The following PTPRD variants were observed in gnomAD, a reference collection of about 807,000 sequenced individuals.
PTPRD encodes receptor-type tyrosine-protein phosphatase delta.
In PTPRD, 34 loss-of-function variants were observed where a neutral mutation model predicts 214.5. That is an observed-to-expected ratio of 0.16 (90% CI 0.12 to 0.21). The LOEUF (loss-of-function observed/expected upper bound fraction) is 0.21, where lower values mean the gene tolerates loss of function less well. Among genes scored for constraint, PTPRD ranks in the 10% least tolerant of loss-of-function variants. The pLI, the probability that PTPRD is intolerant of heterozygous loss-of-function variation, is 1.00. For synonymous variants in PTPRD, 1,128 were observed against 845.7 expected (o/e 1.33, Z -5.79); for missense variants, 2,545 against 2,398.7 (o/e 1.06, Z -1.27).
At chr9:9,213,805 A>G (rs1461151948) in intron 9 of PTPRD, among the ~76,000 whole-genome samples, 4 of 152,256 alleles carry the variant, frequency 2.6e-5, no homozygotes, top group African/African-American at 9.6e-5. Context: ...TTTGATCAAA[A>G]TATTTATCTA....
At chr9:8,581,931 A>G (rs1594474302) in intron 14 of PTPRD, among the ~76,000 whole-genome samples, 1 of 148,068 alleles carries the variant, frequency 6.8e-6, no homozygotes, top group Non-Finnish European at 1.5e-5. Context: ...AAAAAAAAAA[A>G]AAAAAAAAAA....
intron 8 of PTPRD, among the ~76,000 whole-genome samples, chr9:9,470,971 G>A (rs556237776): frequency 1.3e-5 from 2 of 152,254 alleles, no homozygotes; most frequent in African/African-American, 4.8e-5. Context: ...CCTCACAAAT[G>A]TTTTATAGAC....
intron 2 of PTPRD, among the ~76,000 whole-genome samples, chr9:10,527,928 G>C (rs2054827666): frequency 6.6e-6 from 1 of 152,010 alleles, no homozygotes; most frequent in Admixed American, 6.6e-5. Context: ...TAGTTTTCTT[G>C]TTTTTATATA....
At chr9:8,346,087 A>C (rs1302618756) in intron 39 of PTPRD, among the ~76,000 whole-genome samples, 2 of 152,166 alleles carry the variant, frequency 1.3e-5, no homozygotes, top group East Asian at 3.9e-4. Flanking sequence ...TCTCCTTTCA[A>C]ATCTGCTCCT....
intron 11 of PTPRD, among the ~76,000 whole-genome samples, chr9:9,016,982 C>T (rs1295315488): frequency 6.6e-6 from 1 of 151,730 alleles, no homozygotes; most frequent in African/African-American, 2.4e-5. Flanking sequence ...CTCTTTTGCC[C>T]CCACAGAGCT....
chr9:10,088,782 A>T (rs1300121586), intron 3 of PTPRD, among the ~76,000 whole-genome samples: 2 of 151,768 alleles, frequency 1.3e-5, no homozygotes, highest in East Asian at 3.9e-4. Flanking sequence ...GCTGGCCAGC[A>T]TAATAGCTAA....
chr9:9,628,859 A>G (rs529916074), intron 7 of PTPRD, among the ~76,000 whole-genome samples: 2 of 152,022 alleles, frequency 1.3e-5, no homozygotes, highest in East Asian at 3.9e-4. Context: ...ATATTTATAT[A>G]TAATGATTTT....
intron 5 of PTPRD, among the ~76,000 whole-genome samples, chr9:9,879,832 C>T (rs1162890639): frequency 2.0e-5 from 3 of 152,148 alleles, no homozygotes; most frequent in Non-Finnish European, 4.4e-5. Context: ...GCTTGAATTT[C>T]CAGTTCGTCT....
chr9:9,273,867 C>T (rs1452933176), intron 9 of PTPRD, among the ~76,000 whole-genome samples: 3 of 151,246 alleles, frequency 2.0e-5, no homozygotes, highest in African/African-American at 7.3e-5. Flanking sequence ...TTATTCCTTA[C>T]AAGAACATTC....
chr9:9,724,402 T>C (rs1295478929), intron 7 of PTPRD, among the ~76,000 whole-genome samples: 1 of 152,194 alleles, frequency 6.6e-6, no homozygotes, highest in African/African-American at 2.4e-5. Context: ...GTGTGCTTAA[T>C]AGGCCTTTGC....
intron 2 of PTPRD, among the ~76,000 whole-genome samples, chr9:10,465,608 G>T (rs902261552): frequency 6.6e-6 from 1 of 152,114 alleles, no homozygotes; most frequent in African/African-American, 2.4e-5. Flanking sequence ...ATACTGAAAA[G>T]CATCACCTTT....
chr9:9,591,911 C>G (rs192140903), intron 7 of PTPRD, among the ~76,000 whole-genome samples: 1 of 152,010 alleles, frequency 6.6e-6, no homozygotes, highest in Non-Finnish European at 1.5e-5. Flanking sequence ...AGAACTTATT[C>G]CTGCTATCTA....
At chr9:9,095,132 A>G (rs537996356) in intron 10 of PTPRD, among the ~76,000 whole-genome samples, 1 of 152,304 alleles carries the variant, frequency 6.6e-6, no homozygotes, top group Non-Finnish European at 1.5e-5. Context: ...ATATTAAAAA[A>G]ACCCTATAGC....
At chr9:9,600,980 C>T (rs2093702368) in intron 7 of PTPRD, among the ~76,000 whole-genome samples, 1 of 151,756 alleles carries the variant, frequency 6.6e-6, no homozygotes, top group Non-Finnish European at 1.5e-5. Context: ...GTAATGAGAC[C>T]TGGATATTTT....
intron 5 of PTPRD, among the ~76,000 whole-genome samples, chr9:9,785,524 A>C (rs1029213480): frequency 1.3e-5 from 2 of 152,084 alleles, no homozygotes; most frequent in African/African-American, 4.8e-5. Flanking sequence ...ACATAAACCA[A>C]AGTGAGAGGC....
chr9:10,601,206 G>A (rs1026606539), intron 2 of PTPRD, among the ~76,000 whole-genome samples: 1 of 151,620 alleles, frequency 6.6e-6, no homozygotes, highest in African/African-American at 2.4e-5. Flanking sequence ...AATAGAGTAA[G>A]TAAGGTAGAG....
At chr9:8,554,483 G>A (rs898989573) in intron 14 of PTPRD, among the ~76,000 whole-genome samples, 2 of 152,134 alleles carry the variant, frequency 1.3e-5, no homozygotes, top group Middle Eastern at 6.3e-3. Context: ...AACTTGGAGT[G>A]TAGCATGTGC....
chr9:8,744,442 T>G (rs767651128), intron 11 of PTPRD, among the ~76,000 whole-genome samples: 1 of 152,184 alleles, frequency 6.6e-6, no homozygotes, highest in African/African-American at 2.4e-5. Flanking sequence ...TGCAGTATAC[T>G]TATACCACGG....
At chr9:9,119,625 G>C (rs7032828) in intron 10 of PTPRD, among the ~76,000 whole-genome samples, 2,538 of 151,816 alleles carry the variant, frequency 0.017, 87 homozygotes, top group African/African-American at 0.059. Context: ...CCAGGTTCAA[G>C]CGATTCTCCT....
Sources: allele counts gnomAD v4.1 joint callset (sites outside exome capture counted in the v4.1 genomes callset), GRCh38; gene constraint gnomAD v4.1.1; transcripts MANE v1.5; gene names NCBI Gene and HGNC (gene_info 2026-07-23, HGNC 2026-07-21).